SMG6: variants seen among roughly 807,000 people sequenced by gnomAD.
SMG6 encodes the protein SMG6 nonsense mediated mRNA decay factor.
SMG6 carries 66 observed loss-of-function variants against 142.2 expected under a neutral mutation model. The observed-to-expected ratio is 0.46, with a 90% CI of 0.38 to 0.57. The LOEUF is 0.57. SMG6 is among the 20% of genes least tolerant of loss of function. SMG6 has a pLI of 0.00. For synonymous variants in SMG6, 779 were observed against 702.4 expected (o/e 1.11, Z -1.72); for missense variants, 1,793 against 1,832.0 (o/e 0.98, Z 0.39).
At chr17:2,181,330 C>T (rs1352349466) in intron 12 of SMG6, among the ~76,000 whole-genome samples, 2 of 152,206 alleles carry the variant, frequency 1.3e-5, no homozygotes, top group Non-Finnish European at 2.9e-5. Context: ...GCCAGGTTTG[C>T]TCTGTTGAAC....
At chr17:2,258,028 A>ATAG (rs1260585332) in intron 8 of SMG6, among the ~76,000 whole-genome samples, 2 of 107,972 alleles carry the variant, frequency 1.9e-5, no homozygotes, top group Admixed American at 1.1e-4. Flanking sequence ...AAAAAAAAAA[A>ATAG]AAAAAAATAT....
chr17:2,249,766 G>A (rs550171254), intron 8 of SMG6, among the ~76,000 whole-genome samples: 1 of 152,304 alleles, frequency 6.6e-6, no homozygotes, highest in Admixed American at 6.5e-5. Context: ...AATGCTTCTT[G>A]GGTGTATCCC....
At position 2,172,664 on chromosome 17, in the gene SMG6, C is replaced by T; in HGVS notation, c.3351G>A (p.Ser1117=). ...PQDPCYVEKT[S]DKVIAADCKR... is the part of the protein sequence containing the mutation. ...TGTTTGGCCTGGGGCTGACCTTATCCGAGGTTTTCTCCACGTAGCAGGGGT... is the reference window on the plus strand; with the variant it reads ...TGTTTGGCCTGGGGCTGACCTTATCTGAGGTTTTCTCCACGTAGCAGGGGT... The change falls in exon 13 of 19, where the codon TCG becomes TCA. Residue 1117 remains serine (S), a synonymous_variant. Coordinates refer to ENST00000263073, the MANE Select transcript of SMG6 (RefSeq NM_017575.5). The T allele has an allele frequency of 3.1e-6, 5 of 1,613,290 alleles. No homozygotes were observed. Among genetic ancestry groups the T allele is most frequent in the South Asian group, 1.1e-5 (1 of 91,032 alleles).
intron 8 of SMG6, among the ~76,000 whole-genome samples, chr17:2,249,248 T>C (rs1186414576): frequency 6.6e-6 from 1 of 152,024 alleles, no homozygotes; most frequent in African/African-American, 2.4e-5. Context: ...TCCTTCTTCC[T>C]TCCTAACACA....
chr17:2,266,276 G>A lies in SMG6; in HGVS notation c.2661+16371C>T, dbSNP rs975648140. On this transcript the variant is annotated intron_variant, in intron 8 of 18. Coordinates refer to ENST00000263073, the MANE Select transcript of SMG6 (RefSeq NM_017575.5). ...GGTAACACAGAATATACACACGCAC[G>A]CGAACAGGATATGCTGGTAATCCGG... The A allele has an allele frequency of 1.1e-5, 7 of 636,126 alleles. No individual in the cohort carries two copies. The East Asian group carries it at 5.6e-4, about 51-fold the overall frequency. The allele number at this position is 636,126 out of a possible 1,614,324, so 39.4% of individuals were successfully genotyped here.
intron 10 of SMG6, among the ~76,000 whole-genome samples, chr17:2,221,146 G>A (rs2073159055): frequency 6.6e-6 from 1 of 152,258 alleles, no homozygotes; most frequent in South Asian, 2.1e-4. Context: ...TTTACTCCAG[G>A]GTTAAGAGCT....
intron 13 of SMG6, chr17:2,117,571 G>A (rs2069546657): frequency 1.3e-5 from 2 of 152,072 alleles, no homozygotes; most frequent in African/African-American, 4.8e-5. Context: ...AAAATAAAAT[G>A]TATTTAGGAA....
At chr17:2,135,107 T>G (rs950521390) in intron 13 of SMG6, among the ~76,000 whole-genome samples, 4 of 152,234 alleles carry the variant, frequency 2.6e-5, no homozygotes. Context: ...CTCAAATTCC[T>G]GACCTCAGGT....
chr17:2,074,531 C>T (rs1331722395), intron 15 of SMG6, among the ~76,000 whole-genome samples: 1 of 152,168 alleles, frequency 6.6e-6, no homozygotes, highest in Non-Finnish European at 1.5e-5. Context: ...TCCAAATGTA[C>T]CACAGAGCTT....
chr17:2,266,966 C>T (rs1291814369), intron 8 of SMG6, among the ~76,000 whole-genome samples: 1 of 152,130 alleles, frequency 6.6e-6, no homozygotes, highest in African/African-American at 2.4e-5. Context: ...TAAGCTGTTT[C>T]TCATGGCCTA....
chr17:2,165,759 G>C (rs2071317240), intron 13 of SMG6, among the ~76,000 whole-genome samples: 1 of 152,110 alleles, frequency 6.6e-6, no homozygotes, highest in South Asian at 2.1e-4. Flanking sequence ...AAAATAATTA[G>C]CCAGGTGAGG....
intron 10 of SMG6, among the ~76,000 whole-genome samples, chr17:2,219,292 G>T (rs551672198): frequency 2.0e-5 from 3 of 152,302 alleles, no homozygotes; most frequent in African/African-American, 7.2e-5. Context: ...GGCTGAGGCA[G>T]GAGAATAGCT....
chr17:2,238,676 G>A (rs2151811245), intron 9 of SMG6, among the ~76,000 whole-genome samples: 1 of 152,278 alleles, frequency 6.6e-6, no homozygotes, highest in Non-Finnish European at 1.5e-5. Flanking sequence ...GTGTCACGTG[G>A]GACAGTTTTG....
intron 10 of SMG6, among the ~76,000 whole-genome samples, chr17:2,208,595 TC>T (rs2072758745): frequency 6.6e-6 from 1 of 152,226 alleles, no homozygotes; most frequent in African/African-American, 2.4e-5. Context: ...CAGTCAGCAT[TC>T]ACCAAGTGGC....
At chr17:2,303,005 C>A in intron 1 of SMG6, 1 of 985,480 alleles carries the variant, frequency 1.0e-6, no homozygotes. Context: ...CACTTAGAAT[C>A]TTTCTTACTT....
At chr17:2,110,690 G>A (rs79815791) in intron 13 of SMG6, among the ~76,000 whole-genome samples, 1,600 of 152,166 alleles carry the variant, frequency 0.011, 33 homozygotes, top group African/African-American at 0.037. Context: ...GCCTGGGAGA[G>A]GTCAGCAACA....
intron 17 of SMG6, 33 bp from the exon 18 acceptor site, chr17:2,065,187 G>C: frequency 6.5e-7 from 1 of 1,546,016 alleles, no homozygotes; most frequent in Non-Finnish European, 8.9e-7. Context: ...AGCACCACTG[G>C]GCAGAAGGGG....
intron 13 of SMG6, among the ~76,000 whole-genome samples, chr17:2,137,485 A>AT (rs1338878776): frequency 1.6e-4 from 25 of 151,978 alleles, no homozygotes; most frequent in African/African-American, 6.0e-4. Flanking sequence ...CTCGCTGCAG[A>AT]TTCGCTTACA....
Position 2,299,291 on chromosome 17 carries a change from AAGATGT to A in SMG6, c.1456_1461del (p.Thr486_Ser487del). 6.2e-7 allele frequency: 1 copy of A among 1,614,040 alleles called. No individual in the cohort carries two copies. The highest frequency in any genetic ancestry group is 8.5e-7 in the Non-Finnish European group (1 of 1,180,016). On this transcript the variant is annotated inframe_deletion, in exon 2 of 19. Coordinates refer to ENST00000263073, the MANE Select transcript of SMG6 (RefSeq NM_017575.5). The surrounding 1 kb of genome is among the most constrained non-coding windows in gnomAD (Gnocchi z 4.3). Reference sequence around the variant, plus strand: ...GCCTGAGCCTGGCGTGAGTCACCCCAAGATGTAGGGCTGACTTCATCATCAGTGTCC... The same window carrying A: ...GCCTGAGCCTGGCGTGAGTCACCCCAAGGGCTGACTTCATCATCAGTGTCC...
Sources: allele counts gnomAD v4.1 joint callset (sites outside exome capture counted in the v4.1 genomes callset), GRCh38; gene constraint gnomAD v4.1.1; non-coding constraint Gnocchi (gnomAD v3.1); transcripts MANE v1.5; gene names NCBI Gene and HGNC (gene_info 2026-07-23, HGNC 2026-07-21).